The following TNS1 variants were observed in gnomAD, a reference collection of about 807,000 sequenced individuals.
The protein encoded by TNS1 is tensin 1, also known as tensin-1.
A neutral mutation model predicts 168.6 loss-of-function variants in TNS1; 62 were observed. The observed-to-expected ratio is 0.37, with a 90% CI of 0.30 to 0.45. TNS1 has a LOEUF of 0.45. Among genes scored for constraint, TNS1 ranks in the 20% least tolerant of loss-of-function variants. The pLI is 1.00. For missense variants in TNS1, 2,240 were observed against 2,339.4 expected (o/e 0.96, Z 0.88); for synonymous variants, 934 against 933.2 (o/e 1.00, Z -0.02).
chr2:217,807,940 C>CT, intron 32 of TNS1, 135 bp downstream of exon 32: 1 of 1,055,944 alleles, frequency 9.5e-7, no homozygotes, highest in Non-Finnish European at 1.4e-6. Flanking sequence ...CACTCGGAAG[C>CT]TGAGTGACCT....
At chr2:217,975,447 G>A (rs528478487) in intron 3 of TNS1, among the ~76,000 whole-genome samples, 4 of 152,092 alleles carry the variant, frequency 2.6e-5, no homozygotes, top group East Asian at 1.9e-4. Flanking sequence ...CAGAACTATC[G>A]CTTCGTGCTG....
At chr2:217,991,166 G>C in intron 1 of TNS1, 110 bp from the exon 2 acceptor site, 1 of 474,496 alleles carries the variant, frequency 2.1e-6, no homozygotes, top group South Asian at 4.0e-5. Flanking sequence ...AGGATGGCAA[G>C]AGCCCCTCAG....
intron 4 of TNS1, among the ~76,000 whole-genome samples, chr2:217,919,349 C>T (rs576709487): frequency 3.3e-5 from 5 of 152,346 alleles, no homozygotes; most frequent in Admixed American, 2.0e-4. Context: ...AGGCTCCTGC[C>T]GACATTAGTA....
In TNS1 at chr2:217,963,512, C is replaced by T. The variant is rs1011663544; in HGVS notation, c.186+15253G>A. 1.1e-4 allele frequency among the ~76,000 whole-genome samples: 16 copies of T among 152,206 alleles called. No homozygotes were observed. In the East Asian group the frequency reaches 1.2e-3, roughly 11 times the overall value. On this transcript the variant is annotated intron_variant, in intron 3 of 32. Coordinates refer to ENST00000682258, the MANE Select transcript of TNS1 (RefSeq NM_001387777.1). Reference sequence around the variant, plus strand: ...TATGGACCAGGAAGCTGAGAACCTGCGCACTTGAGAAAATGGCCCAAGGCT... The same window carrying T: ...TATGGACCAGGAAGCTGAGAACCTGTGCACTTGAGAAAATGGCCCAAGGCT...
intron 3 of TNS1, among the ~76,000 whole-genome samples, chr2:217,959,276 A>T (rs904789909): frequency 3.3e-5 from 5 of 152,308 alleles, no homozygotes; most frequent in Non-Finnish European, 7.3e-5. Flanking sequence ...TATTGACACA[A>T]CTCACATAAA....
At chr2:217,885,925 C>G (rs966044567) in intron 14 of TNS1, 106 bp from the exon 15 acceptor site, 14 of 1,554,228 alleles carry the variant, frequency 9.0e-6, no homozygotes, top group Non-Finnish European at 1.2e-5. Flanking sequence ...TGGGAAACCT[C>G]TCTGACTCTG....
chr2:217,859,686 TTC>T, intron 18 of TNS1: 24 of 1,536,110 alleles, frequency 1.6e-5, no homozygotes, highest in Non-Finnish European at 1.9e-5. Flanking sequence ...GCTATTGGTA[TTC>T]TGTTTGTTCC....
chr2:217,905,560 T>C (rs1953567711), intron 6 of TNS1: 2 of 285,446 alleles, frequency 7.0e-6, no homozygotes, highest in Non-Finnish European at 1.4e-5. Context: ...GCCATCAACA[T>C]CTACCCCTGT....
upstream of TNS1, among the ~76,000 whole-genome samples, chr2:218,005,167 C>G (rs1958648090): frequency 6.6e-6 from 1 of 152,252 alleles, no homozygotes; most frequent in Non-Finnish European, 1.5e-5. Context: ...TCCCACAGCC[C>G]TTCACTGCTG....
intron 27 of TNS1, among the ~76,000 whole-genome samples, chr2:217,812,947 A>G (rs1941232123): frequency 1.3e-5 from 2 of 152,242 alleles, no homozygotes; most frequent in Non-Finnish European, 1.5e-5. Context: ...TAGGTGGTCA[A>G]TTAAGGCAGC....
intron 24 of TNS1, 126 bp from the exon 25 acceptor site, chr2:217,815,124 A>T: frequency 1.4e-6 from 1 of 709,524 alleles, no homozygotes. Context: ...TTGCAGATGT[A>T]GACAAATTAA....
chr2:217,989,285 G>A (rs1421498338), intron 2 of TNS1, among the ~76,000 whole-genome samples: 3 of 152,170 alleles, frequency 2.0e-5, no homozygotes, highest in South Asian at 2.1e-4. Flanking sequence ...GACATAATTG[G>A]GCTTATGTTT....
Position 217,895,014 on chromosome 2 carries a change from G to T in TNS1, c.586C>A (p.His196Asn). 6.2e-7 allele frequency: 1 copy of T among 1,612,938 alleles called. No individual in the cohort carries two copies. Among genetic ancestry groups the T allele is most frequent in the Non-Finnish European group, 8.5e-7 (1 of 1,179,644 alleles). The change falls in exon 9 of 33, where the codon CAT (histidine) becomes AAT (asparagine). Residue 196 changes from histidine (H) to asparagine (N), a missense_variant. By Grantham distance (68) the His-to-Asn change is moderately conservative. This residue lies in a region of TNS1 where 2,131 missense variants were observed against 2,171.2 expected (regional missense o/e 0.98). Transcript: ENST00000682258. ...SERRPDITKL[H>N]AKVLEFGWPD... ...AACAGCCCCTGGCTCACCTTGGCAT[G>T]GAGCTTCGTGATGTCAGGTCTCCGC...
intron 1 of TNS1, among the ~76,000 whole-genome samples, chr2:218,018,955 T>C (rs2061780524): frequency 6.6e-6 from 1 of 152,048 alleles, no homozygotes; most frequent in African/African-American, 2.4e-5. Flanking sequence ...CATGTGCCTG[T>C]AGTCCCAACT....
intron 3 of TNS1, among the ~76,000 whole-genome samples, chr2:217,967,462 CA>C: frequency 6.6e-6 from 1 of 152,182 alleles, no homozygotes; most frequent in East Asian, 1.9e-4. Flanking sequence ...AAAGAAGACT[CA>C]AATTACTCAA....
Position 217,848,567 on chromosome 2 carries a change from G to A in TNS1, c.1950C>T (p.Val650=). The change falls in exon 19 of 33, where the codon GTC becomes GTT. Residue 650 remains valine, a synonymous_variant. Transcript: ENST00000682258. ...SMGTLSSLDG[V]TNTSEGGYPE... Reference sequence around the variant, plus strand: ...GGTAGCCCCCCTCACTGGTGTTGGTGACCCCGTCCAGAGAAGAGAGTGTGC... The same window carrying A: ...GGTAGCCCCCCTCACTGGTGTTGGTAACCCCGTCCAGAGAAGAGAGTGTGC... The A allele has an allele frequency of 7.4e-6, 12 of 1,614,170 alleles. No homozygotes were observed. The highest frequency in any genetic ancestry group is 1.3e-5 in the African/African-American group (1 of 75,052).
At chr2:218,014,417 C>T (rs1397560843), upstream of TNS1, among the ~76,000 whole-genome samples, 1 of 152,176 alleles carries the variant, frequency 6.6e-6, no homozygotes, top group Non-Finnish European at 1.5e-5. Flanking sequence ...CCAGGCCCCT[C>T]AGCACCCACA....
At chr2:217,921,619 G>A (rs1343832162) in intron 3 of TNS1, among the ~76,000 whole-genome samples, 7 of 152,130 alleles carry the variant, frequency 4.6e-5, no homozygotes, top group South Asian at 2.1e-4. Context: ...TGACACAGTC[G>A]GGCTACAGAC....
At chr2:217,925,455 G>T (rs966823845) in intron 3 of TNS1, among the ~76,000 whole-genome samples, 1 of 151,906 alleles carries the variant, frequency 6.6e-6, no homozygotes, top group African/African-American at 2.4e-5. Flanking sequence ...TCCTAAGCTT[G>T]CCCAGCCCTC....
Sources: allele counts gnomAD v4.1 joint callset (sites outside exome capture counted in the v4.1 genomes callset), GRCh38; gene constraint gnomAD v4.1.1; regional missense constraint gnomAD v4.1.1; transcripts MANE v1.5; gene names NCBI Gene and HGNC (gene_info 2026-07-23, HGNC 2026-07-21).